FNIP1: variants seen among roughly 807,000 people sequenced by gnomAD.
FNIP1 encodes folliculin interacting protein 1.
Under a neutral mutation model 124.5 loss-of-function variants are expected in FNIP1, and 40 were observed. That is an observed-to-expected ratio of 0.32 (90% confidence interval 0.25 to 0.42). The LOEUF (loss-of-function observed/expected upper bound fraction) is 0.42. Ranked by LOEUF, FNIP1 falls within the 10% of genes least tolerant of loss-of-function variation. The pLI, the probability that FNIP1 is intolerant of heterozygous loss-of-function variation, is 1.00. For missense variants in FNIP1, 1,176 were observed against 1,403.7 expected (o/e 0.84, Z 2.59); for synonymous variants, 472 against 470.6 (o/e 1.00, Z -0.04).
chr5:131,752,936 G>A (rs1361897514), intron 1 of FNIP1, among the ~76,000 whole-genome samples: 2 of 152,332 alleles, frequency 1.3e-5, no homozygotes, highest in African/African-American at 2.4e-5. Flanking sequence ...GCCAGGTGTG[G>A]TGGTGCATGC....
intron 1 of FNIP1, among the ~76,000 whole-genome samples, chr5:131,755,977 T>C (rs1272666766): frequency 1.3e-5 from 2 of 151,200 alleles, no homozygotes; most frequent in Admixed American, 1.3e-4. Context: ...ATTGTACCAC[T>C]GTATTCCAGC....
chr5:131,719,359 G>C lies in FNIP1; in HGVS notation c.413C>G (p.Ala138Gly). The change falls in exon 4 of 18, where the codon GCA (alanine) becomes GGA (glycine). Residue 138 changes from alanine (A) to glycine (G), a missense_variant. By Grantham distance (60) the Ala-to-Gly change is moderately conservative. Transcript: ENST00000510461. The part of the protein sequence containing the change: ...MLGEMMFGSV[A>G]MSYKGSTLKI... ...TAAGGTGGATCCTTTGTAGCTCATT[G>C]CTACTGAGCCAAACATCATCTCTCC... is the stretch of plus-strand genomic sequence containing the variant. 1.2e-6 allele frequency: 2 copies of C among 1,613,356 alleles called. No homozygotes were observed. Among genetic ancestry groups the C allele is most frequent in the Non-Finnish European group, 1.7e-6 (2 of 1,179,806 alleles).
chr5:131,715,502 C>CA (rs927094144), intron 6 of FNIP1, among the ~76,000 whole-genome samples: 11 of 151,348 alleles, frequency 7.3e-5, no homozygotes, highest in African/African-American at 1.5e-4. Flanking sequence ...CAAAAACAAA[C>CA]AAAAAAAACC....
At chr5:131,657,617 T>C (rs1767235551) in intron 15 of FNIP1, among the ~76,000 whole-genome samples, 1 of 149,642 alleles carries the variant, frequency 6.7e-6, no homozygotes, top group East Asian at 2.0e-4. Context: ...GAAAAAGCCA[T>C]GAAAGCCATC....
chr5:131,724,263 T>C (rs374876336), intron 3 of FNIP1, among the ~76,000 whole-genome samples: 3 of 152,224 alleles, frequency 2.0e-5, no homozygotes, highest in Admixed American at 2.0e-4. Flanking sequence ...TTTCTGGATC[T>C]AGATCCTGGA....
chr5:131,706,216 T>A (rs1769106686), intron 9 of FNIP1, among the ~76,000 whole-genome samples, 195 bp downstream of exon 9: 1 of 152,226 alleles, frequency 6.6e-6, no homozygotes, highest in South Asian at 2.1e-4. Flanking sequence ...GTCACTGAAC[T>A]GTACACCTAA....
At chr5:131,753,716 T>C (rs1384940208) in intron 1 of FNIP1, among the ~76,000 whole-genome samples, 1 of 152,204 alleles carries the variant, frequency 6.6e-6, no homozygotes, top group East Asian at 1.9e-4. Flanking sequence ...CATTTTATTA[T>C]ATGCAAATTA....
intron 2 of FNIP1, among the ~76,000 whole-genome samples, chr5:131,739,311 G>A (rs1770426978): frequency 1.3e-5 from 2 of 152,132 alleles, no homozygotes; most frequent in South Asian, 2.1e-4. Context: ...GACCAGCCTG[G>A]ATAAAACAGT....
rs553838946 is a variant in FNIP1 at position 131,657,965 on chromosome 5, T to C, written c.3109-5966A>G. On this transcript the variant is annotated intron_variant, in intron 15 of 17. Coordinates refer to ENST00000510461, the MANE Select transcript of FNIP1 (RefSeq NM_133372.3). ...CTGAGGCAGGCGAATGGCATGAACC[T>C]GGGAGGCGGAGCCTGCAGTGAGCCA... 2.8e-5 allele frequency among the ~76,000 whole-genome samples: 4 copies of C among 144,192 alleles called. No individual in the cohort carries two copies. In the East Asian group the frequency reaches 8.2e-4, roughly 30 times the overall value. 94.6% of individuals were successfully genotyped at this position (144,192 alleles called of 152,430 possible). A position where few individuals can be genotyped will look rare whatever the true frequency, so the allele number is the denominator to read the frequency against.
chr5:131,778,413 C>T (rs1187597334), intron 1 of FNIP1, among the ~76,000 whole-genome samples: 2 of 151,612 alleles, frequency 1.3e-5, no homozygotes, highest in Non-Finnish European at 2.9e-5. Flanking sequence ...CATCACTGGC[C>T]ATCAGAGAAA....
At chr5:131,735,030 C>T (rs1448217884) in intron 2 of FNIP1, among the ~76,000 whole-genome samples, 6 of 152,052 alleles carry the variant, frequency 3.9e-5, no homozygotes, top group Non-Finnish European at 5.9e-5. Flanking sequence ...TGCAGCACTA[C>T]TCACAATAGC....
chr5:131,679,303 T>A (rs965612959), intron 11 of FNIP1, 128 bp from the exon 12 acceptor site: 3 of 636,928 alleles, frequency 4.7e-6, no homozygotes, highest in African/African-American at 3.8e-5. Context: ...GGAAAGACAA[T>A]GGACCAAGTC....
chr5:131,779,687 C>CA (rs760567468), intron 1 of FNIP1, among the ~76,000 whole-genome samples: 947 of 59,046 alleles, frequency 0.016, 9 homozygotes, highest in African/African-American at 0.038. Flanking sequence ...GATTCTGTTT[C>CA]AAAAAAAAAA....
chr5:131,728,776 A>C (rs936198434), intron 3 of FNIP1, among the ~76,000 whole-genome samples: 1 of 152,004 alleles, frequency 6.6e-6, no homozygotes, highest in South Asian at 2.1e-4. Flanking sequence ...TGGTGTTTGG[A>C]ATTTTCAGCC....
chr5:131,660,356 C>T (rs1767387565), intron 15 of FNIP1, among the ~76,000 whole-genome samples: 1 of 152,170 alleles, frequency 6.6e-6, no homozygotes, highest in African/African-American at 2.4e-5. Flanking sequence ...ACTTTCCCAA[C>T]TGCAAATAAC....
At chr5:131,660,603 C>T (rs1484116698) in intron 15 of FNIP1, among the ~76,000 whole-genome samples, 1 of 152,212 alleles carries the variant, frequency 6.6e-6, no homozygotes, top group Non-Finnish European at 1.5e-5. Context: ...AAATCCCTAA[C>T]CTACAAGCTT....
At chr5:131,769,330 C>T (rs1044561829) in intron 1 of FNIP1, among the ~76,000 whole-genome samples, 3 of 152,244 alleles carry the variant, frequency 2.0e-5, no homozygotes, top group African/African-American at 7.2e-5. Context: ...TATCTAAAAT[C>T]TTGGCATTTA....
chr5:131,690,453 T>G (rs886640976), intron 11 of FNIP1, among the ~76,000 whole-genome samples: 5 of 152,116 alleles, frequency 3.3e-5, no homozygotes, highest in African/African-American at 1.2e-4. Flanking sequence ...GTTTCCCCCA[T>G]GCTGTTCTTG....
At chr5:131,736,651 G>C (rs1291491897) in intron 2 of FNIP1, among the ~76,000 whole-genome samples, 2 of 152,236 alleles carry the variant, frequency 1.3e-5, no homozygotes, top group African/African-American at 4.8e-5. Flanking sequence ...TGTGAACTGT[G>C]CATGGGAGAG....
Sources: gnomAD v4.1 joint callset for allele counts (sites outside exome capture counted in the v4.1 genomes callset) on GRCh38, gnomAD v4.1.1 for gene constraint, MANE v1.5 for transcripts, NCBI Gene and HGNC (gene_info 2026-07-23, HGNC 2026-07-21) for gene names.